The following CASD1 variants were observed in gnomAD, a reference collection of about 807,000 sequenced individuals.
CASD1 encodes the protein N-acetylneuraminate (7)9-O-acetyltransferase.
In CASD1, 41 loss-of-function variants were observed where a neutral mutation model predicts 100.0. That is an observed-to-expected ratio of 0.41 (90% confidence interval 0.32 to 0.53). CASD1 has a LOEUF of 0.53. Among genes scored for constraint, CASD1 ranks in the 20% least tolerant of loss-of-function variants. CASD1 has a pLI of 0.25. For missense variants in CASD1, 774 were observed against 948.7 expected, an observed-to-expected ratio of 0.82 and a Z score of 2.42; for synonymous variants, 321 against 315.6, an observed-to-expected ratio of 1.02 and a Z score of -0.18.
Position 94,510,216 on chromosome 7 carries a change from A to C in CASD1, c.132A>C (p.Arg44=), listed in dbSNP as rs1450783881. 3.3e-6 allele frequency: 5 copies of C among 1,503,408 alleles called. No homozygotes were observed. Among genetic ancestry groups the C allele is most frequent in the Non-Finnish European group, 4.5e-6 (5 of 1,122,898 alleles). The allele number at this position is 1,503,408 out of a possible 1,614,324, so 93.1% of individuals were successfully genotyped here. ...GCCACCTCGCCTCCCGCCGCTACCG[A>C]GGTGAGCGGGCCCTCCCCTCTGCCC... ...AACHLASRRY[R]GNDSCEYLLS... The change falls in exon 1 of 18, where the codon CGA becomes CGC. Residue 44 remains arginine (R), a splice_region_variant and synonymous_variant. Transcript: ENST00000297273.
chr7:94,536,562 G>A (rs1413440951), intron 8 of CASD1, among the ~76,000 whole-genome samples: 1 of 152,114 alleles, frequency 6.6e-6, no homozygotes, highest in South Asian at 2.1e-4. Context: ...TACATAAAAG[G>A]GCTTGATGAA....
intron 5 of CASD1, among the ~76,000 whole-genome samples, chr7:94,528,627 C>T (rs1794693310): frequency 6.6e-6 from 1 of 152,076 alleles, no homozygotes; most frequent in East Asian, 1.9e-4. Context: ...CTTCAGGAAA[C>T]TTTTGTTTAT....
chr7:94,604,806 A>AAT, the CASD1 span, among the ~76,000 whole-genome samples: 598 of 43,806 alleles, frequency 0.014, 10 homozygotes, highest in Non-Finnish European at 0.018. Flanking sequence ...ATGGTGCTGG[A>AAT]ATATATATAT....
chr7:94,580,197 A>T, the CASD1 span, among the ~76,000 whole-genome samples: 1 of 152,230 alleles, frequency 6.6e-6, no homozygotes. Flanking sequence ...TATGTATAAA[A>T]AGGTCAAATA....
the CASD1 span, chr7:94,616,970 T>C: frequency 6.6e-6 from 1 of 152,302 alleles, no homozygotes; most frequent in East Asian, 1.9e-4. Context: ...TCCAAATAAA[T>C]GCCACGGGAC....
At chr7:94,605,194 T>C in the CASD1 span, among the ~76,000 whole-genome samples, 1 of 152,014 alleles carries the variant, frequency 6.6e-6, no homozygotes, top group Non-Finnish European at 1.5e-5. Flanking sequence ...GATGTTGAAA[T>C]TATCAGACCA....
intron 4 of CASD1, 23 bp downstream of exon 4, chr7:94,527,229 T>C: frequency 6.4e-7 from 1 of 1,550,926 alleles, no homozygotes; most frequent in South Asian, 1.1e-5. Flanking sequence ...AATAGTAAGC[T>C]AGATGTTACA....
At chr7:94,614,130 A>AC in the CASD1 span, among the ~76,000 whole-genome samples, 3 of 150,486 alleles carry the variant, frequency 2.0e-5, no homozygotes, top group African/African-American at 7.3e-5. Flanking sequence ...AAAAAAAAAA[A>AC]CACAGTAAAT....
rs1362101648 is a variant in CASD1, at chr7:94,545,677, C to A, written c.1609C>A (p.Gln537Lys). The change falls in exon 12 of 18, where the codon CAA (glutamine) becomes AAA (lysine). Residue 537 changes from glutamine to lysine, a missense_variant. Physicochemically the swap from Gln to Lys is moderately conservative, Grantham distance 53. This residue lies in a region of CASD1 where 453 missense variants were observed against 532.6 expected (regional missense o/e 0.85). Coordinates refer to ENST00000297273, the MANE Select transcript of CASD1 (RefSeq NM_022900.5). ...VIYVTLALWP[Q>K]IIQKKANGNC... ...ATATGTTACTTTAGCACTATGGCCA[C>A]AAATAATCCAAAAAAAAGCAAACGG... 1.3e-6 allele frequency: 2 copies of A among 1,592,934 alleles called. No homozygotes were observed. The highest frequency in any genetic ancestry group is 1.7e-5 in the Admixed American group (1 of 57,584).
the CASD1 span, chr7:94,588,151 G>A: frequency 7.1e-6 from 8 of 1,120,458 alleles, no homozygotes; most frequent in Non-Finnish European, 8.7e-6. Context: ...AATAAAGAAA[G>A]CAAGTCTTAG....
At chr7:94,623,439 T>G in the CASD1 span, 2 of 1,264,322 alleles carry the variant, frequency 1.6e-6, no homozygotes, top group South Asian at 2.5e-5. Context: ...TGAAATGTTC[T>G]TTGTAAAATG....
chr7:94,563,006 T>C, the CASD1 span, among the ~76,000 whole-genome samples: 5 of 152,124 alleles, frequency 3.3e-5, no homozygotes, highest in South Asian at 2.1e-4. Flanking sequence ...CAACCTGATA[T>C]GATGGTACCT....
At chr7:94,598,459 G>A in the CASD1 span, 1 of 310,926 alleles carries the variant, frequency 3.2e-6, no homozygotes, top group Non-Finnish European at 6.0e-6. Context: ...AAATGCTTAG[G>A]ATATGGTTCT....
At chr7:94,559,079 C>T (rs567913250), downstream of CASD1, among the ~76,000 whole-genome samples, 2 of 152,210 alleles carry the variant, frequency 1.3e-5, no homozygotes, top group African/African-American at 2.4e-5. Context: ...GGATTACAGG[C>T]GTGAGCCACT....
chr7:94,569,636 G>A, the CASD1 span, among the ~76,000 whole-genome samples: 1 of 151,684 alleles, frequency 6.6e-6, no homozygotes. Context: ...ATAGATAGGA[G>A]TCTATCTATG....
At chr7:94,536,224 CAGAG>C (rs1795112149) in intron 8 of CASD1, among the ~76,000 whole-genome samples, 1 of 152,104 alleles carries the variant, frequency 6.6e-6, no homozygotes, top group African/African-American at 2.4e-5. Context: ...GCCTGGGTGA[CAGAG>C]AGAGACTCCA....
chr7:94,533,873 T>G, intron 7 of CASD1, 71 bp downstream of exon 7: 1 of 1,329,246 alleles, frequency 7.5e-7, no homozygotes, highest in Non-Finnish European at 1.0e-6. Flanking sequence ...TATCTCCTGT[T>G]TCAAGAAGCA....
At chr7:94,620,341 G>C in the CASD1 span, 5 of 151,982 alleles carry the variant, frequency 3.3e-5, no homozygotes, top group African/African-American at 1.2e-4. Context: ...AAAGTTCTTT[G>C]CTTATCTCCT....
the CASD1 span, among the ~76,000 whole-genome samples, chr7:94,607,372 C>G: frequency 1.3e-5 from 2 of 152,124 alleles, no homozygotes; most frequent in African/African-American, 4.8e-5. Context: ...ACCACACCAG[C>G]ATCTCTCATA....
Sources: gnomAD v4.1 joint callset for allele counts (sites outside exome capture counted in the v4.1 genomes callset) on GRCh38, gnomAD v4.1.1 for gene constraint, gnomAD v4.1.1 regional missense constraint, MANE v1.5 for transcripts, NCBI Gene and HGNC (gene_info 2026-07-23, HGNC 2026-07-21) for gene names.